The following P2RY12 variants were observed in gnomAD, a reference collection of about 807,000 sequenced individuals.
P2RY12 encodes P2Y purinoceptor 12.
A neutral mutation model predicts 4.5 loss-of-function variants in P2RY12; 3 were observed. The ratio of observed to expected loss-of-function variants is 0.67; its 90% CI spans 0.31 to 1.74. The LOEUF (loss-of-function observed/expected upper bound fraction) is 1.74. Ranked by LOEUF, P2RY12 falls within the 40% of genes most tolerant of loss-of-function variation. The pLI is 0.09. For synonymous variants in P2RY12, 148 were observed against 154.1 expected, an observed-to-expected ratio of 0.96 and a Z score of 0.29; for missense variants, 356 against 407.8, an observed-to-expected ratio of 0.87 and a Z score of 1.09.
intron 1 of P2RY12, among the ~76,000 whole-genome samples, chr3:151,360,073 G>C (rs1322521971): frequency 6.6e-6 from 1 of 152,152 alleles, no homozygotes; most frequent in Non-Finnish European, 1.5e-5. Context: ...TTGAAGCATT[G>C]CTCCTTTACA....
At chr3:151,373,902 T>A (rs1463542281) in intron 1 of P2RY12, among the ~76,000 whole-genome samples, 1 of 152,200 alleles carries the variant, frequency 6.6e-6, no homozygotes, top group African/African-American at 2.4e-5. Flanking sequence ...GGGTATTATG[T>A]ATGCTCATGG....
Position 151,355,820 on chromosome 3 carries a change from A to G in P2RY12, c.-179-15060T>C, listed in dbSNP as rs1272646289. 7.4e-6 allele frequency: 10 copies of G among 1,352,472 alleles called. No homozygotes were observed. In the Admixed American group the frequency reaches 2.3e-4, roughly 31 times the overall value. The allele number at this position is 1,352,472 out of a possible 1,614,324, so 83.8% of individuals were successfully genotyped here. On this transcript the variant is annotated intron_variant, in intron 1 of 2. Coordinates refer to ENST00000302632, the MANE Select transcript of P2RY12 (RefSeq NM_022788.5). Reference sequence around the variant, plus strand: ...CATGTATAGATTCAACTGTCTTAAAAAGTAAAAATGATTTATCTTAGTAAA... The same window carrying G: ...CATGTATAGATTCAACTGTCTTAAAGAGTAAAAATGATTTATCTTAGTAAA...
chr3:151,368,036 C>A, intron 1 of P2RY12: 1 of 945,116 alleles, frequency 1.1e-6, no homozygotes, highest in South Asian at 1.7e-5. Context: ...ATTTTCTTAC[C>A]ATAAGGAAAA....
chr3:151,374,425 G>C (rs79795513), intron 1 of P2RY12, among the ~76,000 whole-genome samples: 9,382 of 152,216 alleles, frequency 0.062, 428 homozygotes, highest in Middle Eastern at 0.18. Flanking sequence ...GCACATGCCT[G>C]TCATCCCAGC....
At chr3:151,373,558 T>A (rs1259186157) in intron 1 of P2RY12, among the ~76,000 whole-genome samples, 1 of 144,810 alleles carries the variant, frequency 6.9e-6, no homozygotes, top group Non-Finnish European at 1.5e-5. Flanking sequence ...TGCAAAATGG[T>A]GGTTTTTTTT....
intron 1 of P2RY12, chr3:151,349,985 G>A: frequency 6.9e-7 from 1 of 1,441,812 alleles, no homozygotes. Flanking sequence ...GCTGTGGTCA[G>A]TGCATTTCAG....
At chr3:151,384,285 A>T in intron 1 of P2RY12, 1 of 1,405,364 alleles carries the variant, frequency 7.1e-7, no homozygotes, top group Non-Finnish European at 9.7e-7. Flanking sequence ...AGTGCATTTT[A>T]ATTTATTACT....
At chr3:151,368,855 G>A (rs574949065) in intron 1 of P2RY12, among the ~76,000 whole-genome samples, 15 of 146,162 alleles carry the variant, frequency 1.0e-4, no homozygotes, top group South Asian at 4.4e-4. Flanking sequence ...TCTGCCTCCC[G>A]GGCTTAGGCA....
chr3:151,377,859 C>T (rs1711520710), intron 1 of P2RY12, among the ~76,000 whole-genome samples: 1 of 151,938 alleles, frequency 6.6e-6, no homozygotes, highest in African/African-American at 2.4e-5. Flanking sequence ...GTCTAGTGTT[C>T]GGAAAAAGGA....
In P2RY12 at chr3:151,338,118, G is replaced by A. The variant is rs961690628; in HGVS notation, c.728C>T (p.Ala243Val). 8 of 1,614,002 alleles carry A rather than the reference G, an allele frequency of 5.0e-6. No individual in the cohort carries two copies. Among genetic ancestry groups the A allele is most frequent in the Non-Finnish European group, 6.8e-6 (8 of 1,179,986 alleles). Residue 243 changes from alanine to valine, a missense_variant, in exon 3 of 3, where the codon GCT becomes GTT. Transcript: ENST00000302632. Reference protein sequence around the residue: ...KVNVKVFIIIAVFFICFVPFH... With the variant: ...KVNVKVFIIIVVFFICFVPFH... The stretch of plus-strand genomic sequence containing the variant: ...AGGAACAAAACAAATAAAGAATACA[G>A]CAATGATAATGAAAACTTTGACGTT...
At chr3:151,367,633 G>T in intron 1 of P2RY12, 1 of 1,597,348 alleles carries the variant, frequency 6.3e-7, no homozygotes, top group Non-Finnish European at 8.6e-7. Context: ...ACCTGTCAAT[G>T]TTTTTCTTGA....
At chr3:151,341,332 G>A (rs1434537793) in intron 1 of P2RY12, among the ~76,000 whole-genome samples, 31 of 151,936 alleles carry the variant, frequency 2.0e-4, no homozygotes, top group Admixed American at 2.0e-3. Flanking sequence ...AGAAGTGATT[G>A]TATCCATTGC....
At position 151,338,479 on chromosome 3, in the gene P2RY12, A is replaced by G. The variant is rs757054486; in HGVS notation, c.367T>C (p.Tyr123His). ...TTAAATGGCCTGGTGGTCTTCTGGT[A>G]GCGATCGATAGTTATCAGTCCCAGG... ...SFLGLITIDR[Y>H]QKTTRPFKTS... The change falls in exon 3 of 3, where the codon TAC becomes CAC. Residue 123 changes from tyrosine (Y) to histidine (H), a missense_variant. By Grantham distance (83) the Tyr-to-His change is moderately conservative. Coordinates refer to ENST00000302632, the MANE Select transcript of P2RY12 (RefSeq NM_022788.5). 4.3e-6 allele frequency: 7 copies of G among 1,613,980 alleles called. No individual in the cohort carries two copies. In the East Asian group the frequency reaches 6.7e-5, roughly 15 times the overall value.
At chr3:151,344,385 A>G (rs1312760948) in intron 1 of P2RY12, among the ~76,000 whole-genome samples, 4 of 152,104 alleles carry the variant, frequency 2.6e-5, no homozygotes, top group African/African-American at 9.7e-5. Flanking sequence ...CCCAGGCTCG[A>G]AGCTTATTCC....
At chr3:151,357,919 C>G (rs917569360) in intron 1 of P2RY12, among the ~76,000 whole-genome samples, 2 of 152,122 alleles carry the variant, frequency 1.3e-5, no homozygotes, top group Non-Finnish European at 2.9e-5. Context: ...CTAATACCAC[C>G]CCCATTAAAG....
At chr3:151,357,641 T>C (rs1301428654) in intron 1 of P2RY12, among the ~76,000 whole-genome samples, 1 of 152,212 alleles carries the variant, frequency 6.6e-6, no homozygotes, top group African/African-American at 2.4e-5. Context: ...TAGTCATTTA[T>C]AGCACTCTAC....
In P2RY12 at chr3:151,337,479, C is replaced by T. The variant is rs180901375; in HGVS notation, c.*338G>A. Reference sequence around the variant, plus strand: ...GATTATGAAAAAATAAAATTGTGAACGATAATGTATTTTAAAAATTACAGT... The same window carrying T: ...GATTATGAAAAAATAAAATTGTGAATGATAATGTATTTTAAAAATTACAGT... On this transcript the variant is annotated 3_prime_UTR_variant, in exon 3 of 3. Transcript: ENST00000302632. 78 of 225,174 alleles carry T rather than the reference C, an allele frequency of 3.5e-4. No individual in the cohort carries two copies. Among genetic ancestry groups the T allele is most frequent in the African/African-American group, 1.7e-3 (71 of 42,650 alleles). The allele number at this position is 225,174 out of a possible 1,614,324, so 13.9% of individuals were successfully genotyped here.
intron 1 of P2RY12, among the ~76,000 whole-genome samples, chr3:151,351,095 A>C (rs1350543400): frequency 1.3e-5 from 2 of 152,186 alleles, no homozygotes; most frequent in African/African-American, 4.8e-5. Context: ...TAGGAGCCCT[A>C]CTGTTCTGTA....
At chr3:151,345,517 C>CTTT (rs201731496) in intron 1 of P2RY12, among the ~76,000 whole-genome samples, 2 of 131,648 alleles carry the variant, frequency 1.5e-5, no homozygotes, top group African/African-American at 2.8e-5. Context: ...TTTTCTTTTT[C>CTTT]TTTTTTTTTT....
Sources: allele counts gnomAD v4.1 joint callset (sites outside exome capture counted in the v4.1 genomes callset), GRCh38; gene constraint gnomAD v4.1.1; transcripts MANE v1.5; gene names NCBI Gene and HGNC (gene_info 2026-07-23, HGNC 2026-07-21).